Variants in TMEM114 observed in about 807,000 individuals in gnomAD.
TMEM114 encodes the protein transmembrane protein 114, also known as claudin-26.
A neutral mutation model predicts 6.2 loss-of-function variants in TMEM114; 6 were observed. The ratio of observed to expected loss-of-function variants is 0.97; its 90% CI spans 0.53 to 1.91. TMEM114 has a LOEUF of 1.91. Among genes scored for constraint, TMEM114 ranks in the 40% most tolerant of loss-of-function variants. The pLI is 0.01. For missense variants in TMEM114, 218 were observed against 158.3 expected, an observed-to-expected ratio of 1.38 and a Z score of -2.02; for synonymous variants, 104 against 73.0, an observed-to-expected ratio of 1.42 and a Z score of -2.16.
In TMEM114 at chr16:8,589,741, T is replaced by C; in HGVS notation, c.98A>G (p.Tyr33Cys). The change falls in exon 1 of 4, where the codon TAT becomes TGT. Residue 33 changes from tyrosine (Y) to cysteine (C), a missense_variant. Physicochemically the swap from Tyr to Cys is radical, Grantham distance 194. Coordinates refer to ENST00000620492, the MANE Select transcript of TMEM114 (RefSeq NM_001146336.2). ...LAAAIGTDFW[Y>C]IIDTERLERT... ...CTCCAGCCGCTCGGTGTCAATGATA[T>C]ACCAGAAGTCCGTGCCGATGGCGGC... 1 of 398,472 alleles carries C rather than the reference T, an allele frequency of 2.5e-6. No individual in the cohort carries two copies. The highest frequency in any genetic ancestry group is 4.4e-6 in the Non-Finnish European group (1 of 226,048). The allele number at this position is 398,472 out of a possible 1,614,324, so 24.7% of individuals were successfully genotyped here. A position where few individuals can be genotyped will look rare whatever the true frequency, so the allele number is the denominator to read the frequency against.
intron 2 of TMEM114, among the ~76,000 whole-genome samples, chr16:8,555,985 A>G (rs908225509): frequency 6.6e-6 from 1 of 152,226 alleles, no homozygotes. Flanking sequence ...GCTGTCTTCC[A>G]GCATGAATTT....
At chr16:8,556,164 C>G (rs976137985) in intron 2 of TMEM114, among the ~76,000 whole-genome samples, 5 of 152,336 alleles carry the variant, frequency 3.3e-5, no homozygotes, top group African/African-American at 1.2e-4. Flanking sequence ...AATGCCAAGT[C>G]TGAATTCTTC....
At position 8,572,094 on chromosome 16, in the gene TMEM114, G is replaced by A; in HGVS notation, c.432C>T (p.Leu144=). ...GGCAGGGTGGGCACCTACCTCCAAA[G>A]AGGAAGAGAATTCCAGTGAGCAGGA... ...LLLLLTGILF[L]FGAMVTLAGI... The change falls in exon 3 of 4, where the codon CTC becomes CTT. Residue 144 remains leucine, a synonymous_variant. Coordinates refer to ENST00000620492, the MANE Select transcript of TMEM114 (RefSeq NM_001146336.2). The A allele has an allele frequency of 6.5e-7, 1 of 1,547,828 alleles. No individual in the cohort carries two copies. The highest frequency in any genetic ancestry group is 8.7e-7 in the Non-Finnish European group (1 of 1,144,946).
downstream of TMEM114, among the ~76,000 whole-genome samples, chr16:8,534,406 T>C (rs142227889): frequency 1.3e-5 from 2 of 152,136 alleles, no homozygotes; most frequent in South Asian, 2.1e-4. Context: ...ATCATACTCC[T>C]ACAGGGATAA....
At chr16:8,572,348 C>A in intron 2 of TMEM114, 124 bp from the exon 3 acceptor site, 2 of 1,005,378 alleles carry the variant, frequency 2.0e-6, no homozygotes, top group Non-Finnish European at 3.0e-6. Context: ...GCCCCTACGA[C>A]GATTACTTCT....
chr16:8,543,220 A>G (rs1900566495), intron 2 of TMEM114, among the ~76,000 whole-genome samples: 1 of 152,206 alleles, frequency 6.6e-6, no homozygotes, highest in South Asian at 2.1e-4. Flanking sequence ...CTAAGGAGAG[A>G]CGGCATGAGG....
intron 2 of TMEM114, among the ~76,000 whole-genome samples, chr16:8,585,236 C>A (rs1279541281): frequency 6.6e-6 from 1 of 152,154 alleles, no homozygotes; most frequent in Non-Finnish European, 1.5e-5. Flanking sequence ...CAGATCCCTC[C>A]CACAACACAT....
chr16:8,567,783 C>G (rs1272134176), downstream of TMEM114, among the ~76,000 whole-genome samples: 1 of 152,178 alleles, frequency 6.6e-6, no homozygotes, highest in Non-Finnish European at 1.5e-5. Flanking sequence ...GGGATCAAAT[C>G]CTGCCTCTGG....
At position 8,569,525 on chromosome 16, in the gene TMEM114, C is replaced by G. The variant is rs1901651035; in HGVS notation, c.*248G>C. On this transcript the variant is annotated 3_prime_UTR_variant, in exon 4 of 4. Coordinates refer to ENST00000620492, the MANE Select transcript of TMEM114 (RefSeq NM_001146336.2). ...TGTGATTAAAGGATCGTTTTTATTT[C>G]TCGCGAAGCGGTTTGGCACTCCCTC... is the stretch of plus-strand genomic sequence containing the variant. The G allele has an allele frequency of 7.2e-6, 10 of 1,391,388 alleles. No individual in the cohort carries two copies. The South Asian group carries it at 1.5e-4, about 21-fold the overall frequency. The allele number at this position is 1,391,388 out of a possible 1,614,324, so 86.2% of individuals were successfully genotyped here.
intron 3 of TMEM114, among the ~76,000 whole-genome samples, 151 bp from the exon 4 acceptor site, chr16:8,570,156 TG>T (rs1404804911): frequency 6.6e-6 from 1 of 152,096 alleles, no homozygotes; most frequent in Non-Finnish European, 1.5e-5. Context: ...GTCTCCCCGC[TG>T]GGTGCATTCA....
chr16:8,585,476 G>C (rs370506508), intron 2 of TMEM114, among the ~76,000 whole-genome samples: 3 of 152,164 alleles, frequency 2.0e-5, no homozygotes, highest in African/African-American at 4.8e-5. Context: ...GCTGAACTTA[G>C]AGAACATGCT....
chr16:8,533,256 A>G (rs146529172), downstream of TMEM114, among the ~76,000 whole-genome samples: 3 of 152,366 alleles, frequency 2.0e-5, no homozygotes, highest in East Asian at 5.8e-4. Flanking sequence ...TCAAGAATAT[A>G]TCCTCAGACA....
At chr16:8,556,198 A>T (rs1361169379) in intron 2 of TMEM114, among the ~76,000 whole-genome samples, 5 of 152,000 alleles carry the variant, frequency 3.3e-5, no homozygotes, top group Admixed American at 6.6e-5. Context: ...AGCTCTGCCC[A>T]CATTCTCTCA....
intron 2 of TMEM114, among the ~76,000 whole-genome samples, chr16:8,563,252 AG>A: frequency 6.6e-6 from 1 of 151,980 alleles, no homozygotes; most frequent in African/African-American, 2.4e-5. Context: ...TGAGTCAGTG[AG>A]TGAATGAATG....
At chr16:8,556,478 G>C (rs955792027) in intron 2 of TMEM114, among the ~76,000 whole-genome samples, 1 of 152,100 alleles carries the variant, frequency 6.6e-6, no homozygotes, top group Non-Finnish European at 1.5e-5. Flanking sequence ...CCACTGAGTT[G>C]TGTGCACTTT....
intron 2 of TMEM114, among the ~76,000 whole-genome samples, chr16:8,561,241 C>G (rs1033217158): frequency 1.3e-5 from 2 of 152,222 alleles, no homozygotes; most frequent in African/African-American, 4.8e-5. Context: ...GCCTATAGCA[C>G]AGTCTTGGGC....
At chr16:8,543,277 C>A (rs779669579) in intron 2 of TMEM114, among the ~76,000 whole-genome samples, 1 of 152,254 alleles carries the variant, frequency 6.6e-6, no homozygotes, top group Admixed American at 6.5e-5. Context: ...TGTCACTTTT[C>A]TATTTAAATT....
chr16:8,537,947 G>C (rs939124922), intron 2 of TMEM114: 10 of 151,980 alleles, frequency 6.6e-5, no homozygotes, highest in African/African-American at 2.4e-4. Context: ...TAAAACAAGA[G>C]AGAAAAGAAA....
chr16:8,545,595 T>G (rs1900641395), intron 2 of TMEM114, among the ~76,000 whole-genome samples: 1 of 152,208 alleles, frequency 6.6e-6, no homozygotes, highest in Non-Finnish European at 1.5e-5. Flanking sequence ...GATTGCTGGG[T>G]GTCATTCCCA....
Sources: allele counts gnomAD v4.1 joint callset (sites outside exome capture counted in the v4.1 genomes callset), GRCh38; gene constraint gnomAD v4.1.1; transcripts MANE v1.5; gene names NCBI Gene and HGNC (gene_info 2026-07-23, HGNC 2026-07-21).